The following TMEM163 variants were observed in gnomAD, a reference collection of about 807,000 sequenced individuals.
TMEM163 encodes transmembrane protein 163.
Under a neutral mutation model 29.3 loss-of-function variants are expected in TMEM163, and 17 were observed. That is an observed-to-expected ratio of 0.58 (90% confidence interval 0.40 to 0.87). The LOEUF (loss-of-function observed/expected upper bound fraction) is 0.87, where lower values mean the gene tolerates loss of function less well. Among genes scored for constraint, TMEM163 ranks in the 40% least tolerant of loss-of-function variants. The pLI is 0.00. For missense variants in TMEM163, 303 were observed against 381.5 expected (o/e 0.79, Z 1.71); for synonymous variants, 157 against 160.6 (o/e 0.98, Z 0.17).
chr2:134,715,476 T>C (rs530296441), intron 1 of TMEM163, among the ~76,000 whole-genome samples: 2 of 152,360 alleles, frequency 1.3e-5, no homozygotes, highest in East Asian at 3.9e-4. Context: ...TAAAATGGAA[T>C]AAGTACAATG....
At chr2:134,608,897 AAGG>A (rs72086505) in intron 2 of TMEM163, among the ~76,000 whole-genome samples, 1 of 58,378 alleles carries the variant, frequency 1.7e-5, no homozygotes. Context: ...TACTGGTGAA[AAGG>A]AGGACAGACC....
In TMEM163 at chr2:134,695,913, G is replaced by A. The variant is rs185603939; in HGVS notation, c.322+17287C>T. Among the ~76,000 whole-genome samples the A allele has an allele frequency of 2.7e-4, 41 of 152,138 alleles. No individual in the cohort carries two copies. The East Asian group carries it at 5.8e-3, about 22-fold the overall frequency. On this transcript the variant is annotated intron_variant, in intron 2 of 7. Transcript: ENST00000281924. ...TAAAAATACAAAAAATTAGCCAGGC[G>A]TGGTGGTGGGTGCCTGTAATCCCAG... is the stretch of plus-strand genomic sequence containing the variant.
intron 2 of TMEM163, among the ~76,000 whole-genome samples, chr2:134,585,043 T>G (rs929649471): frequency 2.6e-5 from 4 of 152,262 alleles, no homozygotes; most frequent in Admixed American, 6.5e-5. Flanking sequence ...CCCTAAACTG[T>G]GAGCTCTGCC....
chr2:134,471,801 T>C (rs920609178), intron 5 of TMEM163, among the ~76,000 whole-genome samples: 2 of 152,116 alleles, frequency 1.3e-5, no homozygotes, highest in East Asian at 1.9e-4. Context: ...GCATAAACAG[T>C]TGGAGAGAGG....
chr2:134,584,997 G>C (rs1329532198), intron 2 of TMEM163, among the ~76,000 whole-genome samples: 1 of 152,176 alleles, frequency 6.6e-6, no homozygotes, highest in Non-Finnish European at 1.5e-5. Context: ...ACACTTCATG[G>C]ATGCCTGGGT....
chr2:134,716,281 G>A (rs531200335), intron 1 of TMEM163, among the ~76,000 whole-genome samples: 38 of 152,282 alleles, frequency 2.5e-4, no homozygotes, highest in African/African-American at 8.4e-4. Flanking sequence ...AAGGTCTTAG[G>A]CCACAGAGCT....
chr2:134,595,113 T>C (rs1334020828), intron 2 of TMEM163, among the ~76,000 whole-genome samples: 1 of 151,690 alleles, frequency 6.6e-6, no homozygotes, highest in African/African-American at 2.4e-5. Flanking sequence ...TTTTTATTTA[T>C]ATATATATTT....
intron 2 of TMEM163, among the ~76,000 whole-genome samples, chr2:134,606,106 G>T (rs1682351162): frequency 6.6e-6 from 1 of 152,080 alleles, no homozygotes; most frequent in South Asian, 2.1e-4. Flanking sequence ...AAGTTATATG[G>T]GTAACTTAAA....
chr2:134,655,375 T>C (rs1469719789), intron 2 of TMEM163, among the ~76,000 whole-genome samples: 5 of 110,298 alleles, frequency 4.5e-5, no homozygotes, highest in Admixed American at 8.6e-5. Flanking sequence ...CACGTAGTTC[T>C]CGAGCCTTGG....
chr2:134,706,623 G>T (rs72972261), intron 2 of TMEM163, among the ~76,000 whole-genome samples: 1 of 152,108 alleles, frequency 6.6e-6, no homozygotes, highest in Non-Finnish European at 1.5e-5. Context: ...GTAAAATTTC[G>T]CTAGAAAAAG....
At chr2:134,488,950 G>A (rs921660825) in intron 5 of TMEM163, among the ~76,000 whole-genome samples, 4 of 152,208 alleles carry the variant, frequency 2.6e-5, no homozygotes, top group African/African-American at 9.6e-5. Context: ...CTGGAAAATT[G>A]TGATAAGTTT....
At chr2:134,575,658 G>A (rs1277018270) in intron 2 of TMEM163, among the ~76,000 whole-genome samples, 1 of 152,160 alleles carries the variant, frequency 6.6e-6, no homozygotes, top group Non-Finnish European at 1.5e-5. Context: ...AGCTATGAGG[G>A]TCCTTAGCTT....
At chr2:134,658,539 C>T (rs1558981764) in intron 2 of TMEM163, among the ~76,000 whole-genome samples, 2 of 152,010 alleles carry the variant, frequency 1.3e-5, no homozygotes, top group Non-Finnish European at 2.9e-5. Context: ...GGAGAAAAAG[C>T]GGAATGCATA....
At chr2:134,587,695 G>C (rs1261392555) in intron 2 of TMEM163, among the ~76,000 whole-genome samples, 1 of 152,190 alleles carries the variant, frequency 6.6e-6, no homozygotes, top group Non-Finnish European at 1.5e-5. Flanking sequence ...AGATCCAAAG[G>C]CTTCTGGCTG....
At chr2:134,551,302 C>T (rs75296674) in intron 3 of TMEM163, among the ~76,000 whole-genome samples, 20 of 151,648 alleles carry the variant, frequency 1.3e-4, no homozygotes, top group Non-Finnish European at 2.9e-4. Context: ...TGGTGGTGTG[C>T]CTTTTTCCTG....
intron 2 of TMEM163, among the ~76,000 whole-genome samples, chr2:134,638,028 C>T (rs1442003901): frequency 6.6e-6 from 1 of 152,196 alleles, no homozygotes; most frequent in Admixed American, 6.5e-5. Context: ...GTTAAGTAAT[C>T]TTCCAAAAAT....
In TMEM163 at chr2:134,639,144, G is replaced by A. The variant is rs565309911; in HGVS notation, c.322+74056C>T. Among the ~76,000 whole-genome samples the A allele has an allele frequency of 3.3e-5, 5 of 152,300 alleles. No homozygotes were observed. The South Asian group carries it at 8.3e-4, about 25-fold the overall frequency. ...CTGAAAAAACACCAAAGGAAGCAAA[G>A]GAAGTAAGACTAGAGCTGCATTCCA... On this transcript the variant is annotated intron_variant, in intron 2 of 7. Transcript: ENST00000281924.
At chr2:134,537,698 T>C (rs1680571750) in intron 4 of TMEM163, among the ~76,000 whole-genome samples, 1 of 152,192 alleles carries the variant, frequency 6.6e-6, no homozygotes, top group Non-Finnish European at 1.5e-5. Context: ...ATGTCAGTTA[T>C]TTGAGCTTGA....
At chr2:134,496,442 G>A (rs1679562632) in intron 5 of TMEM163, among the ~76,000 whole-genome samples, 1 of 151,676 alleles carries the variant, frequency 6.6e-6, no homozygotes, top group Non-Finnish European at 1.5e-5. Context: ...GCTCCTACAG[G>A]AACACCACCA....
Sources: gnomAD v4.1 joint callset for allele counts (sites outside exome capture counted in the v4.1 genomes callset) on GRCh38, gnomAD v4.1.1 for gene constraint, MANE v1.5 for transcripts, NCBI Gene and HGNC (gene_info 2026-07-23, HGNC 2026-07-21) for gene names.